Variants in GPR55 observed in about 807,000 individuals in gnomAD.
The protein encoded by GPR55 is G protein-coupled receptor 55.
A neutral mutation model predicts 7.9 loss-of-function variants in GPR55; 6 were observed. That is an observed-to-expected ratio of 0.76 (90% CI 0.41 to 1.49). The LOEUF (loss-of-function observed/expected upper bound fraction) is 1.49. Ranked by LOEUF, GPR55 falls within the 40% of genes most tolerant of loss-of-function variation. GPR55 has a pLI of 0.01. For synonymous variants in GPR55, 183 were observed against 166.8 expected (o/e 1.10, Z -0.75); for missense variants, 376 against 406.0 (o/e 0.93, Z 0.63).
intron 1 of GPR55, among the ~76,000 whole-genome samples, chr2:230,960,508 C>T (rs1332594504): frequency 3.3e-5 from 5 of 151,956 alleles, no homozygotes; most frequent in Non-Finnish European, 4.4e-5. Context: ...AAAAAAAATA[C>T]CTTGGGAAGG....
At chr2:230,954,927 G>A (rs1404002817) in intron 1 of GPR55, among the ~76,000 whole-genome samples, 1 of 152,194 alleles carries the variant, frequency 6.6e-6, no homozygotes, top group Non-Finnish European at 1.5e-5. Context: ...CCTGAGCCTG[G>A]AGTGTCCCAG....
rs763208812 is a variant in GPR55, at chr2:230,910,439, T to A, written c.524A>T (p.Asp175Val). The stretch of plus-strand genomic sequence containing the variant: ...GAAGAAGACCTTGGCGCTCCAGGTA[T>A]CATCAGACATGTTGTGGAAGCACAT... ...KYMCFHNMSDDTWSAKVFFPL... is the reference protein window; with the variant it reads ...KYMCFHNMSDVTWSAKVFFPL... Residue 175 changes from aspartate (D) to valine (V), a missense_variant, in exon 2 of 2, where the codon GAT becomes GTT. Physicochemically the swap from Asp to Val is radical, Grantham distance 152. Coordinates refer to ENST00000650999, the MANE Select transcript of GPR55 (RefSeq NM_005683.4). The surrounding 1 kb of genome is among the most constrained non-coding windows in gnomAD (Gnocchi z 5.4). 6.2e-7 allele frequency: 1 copy of A among 1,613,922 alleles called. No individual in the cohort carries two copies. The highest frequency in any genetic ancestry group is 8.5e-7 in the Non-Finnish European group (1 of 1,179,866).
intron 1 of GPR55, among the ~76,000 whole-genome samples, chr2:230,933,030 G>A (rs1047870296): frequency 6.6e-6 from 1 of 152,118 alleles, no homozygotes; most frequent in Non-Finnish European, 1.5e-5. Flanking sequence ...GGGAAAATGG[G>A]TCTGCTTTCA....
chr2:230,936,857 T>C (rs1399728653), intron 1 of GPR55, among the ~76,000 whole-genome samples: 1 of 152,216 alleles, frequency 6.6e-6, no homozygotes, highest in Non-Finnish European at 1.5e-5. Flanking sequence ...ACTAAGTTGT[T>C]TGGCTGGAGG....
intron 1 of GPR55, among the ~76,000 whole-genome samples, chr2:230,916,982 G>A (rs1171646738): frequency 2.0e-5 from 3 of 152,124 alleles, no homozygotes; most frequent in African/African-American, 7.2e-5. Context: ...ACACAGAAAT[G>A]TTCCACATAA....
At chr2:230,947,592 A>G (rs1056956939) in intron 1 of GPR55, among the ~76,000 whole-genome samples, 3 of 149,670 alleles carry the variant, frequency 2.0e-5, no homozygotes, top group Non-Finnish European at 4.4e-5. Flanking sequence ...CAGCCTCGAC[A>G]TCCCAGGCTC....
intron 1 of GPR55, among the ~76,000 whole-genome samples, chr2:230,951,495 G>A (rs987800056): frequency 1.3e-5 from 2 of 152,172 alleles, no homozygotes; most frequent in Admixed American, 6.5e-5. Context: ...TTTATTAGAT[G>A]GCAATGCTTA....
At chr2:230,939,786 C>T (rs923744914) in intron 1 of GPR55, among the ~76,000 whole-genome samples, 5 of 152,102 alleles carry the variant, frequency 3.3e-5, no homozygotes, top group African/African-American at 7.2e-5. Context: ...AACGGCCAGC[C>T]GGCATCCCCA....
rs908698835 is a variant in GPR55, at chr2:230,924,650, G to T, written c.-135+518C>A. On this transcript the variant is annotated intron_variant, in intron 1 of 1. Coordinates refer to ENST00000650999, the MANE Select transcript of GPR55 (RefSeq NM_005683.4). This position sits in a 1 kb window ranked among gnomAD's most constrained non-coding sequence, Gnocchi z 4.5. ...AAACGGAGGCTAGAGAAATTACGCA[G>T]CTGGTGAGTGGGTGAGCCTGGGCTC... 2 of 152,312 alleles carry T rather than the reference G, an allele frequency of 1.3e-5. No homozygotes were observed. Among genetic ancestry groups the T allele is most frequent in the South Asian group, 4.1e-4 (2 of 4,820 alleles). 9.4% of individuals were successfully genotyped at this position (152,312 alleles called of 1,614,324 possible).
At chr2:230,914,107 A>G (rs1690656600) in intron 1 of GPR55, among the ~76,000 whole-genome samples, 1 of 152,238 alleles carries the variant, frequency 6.6e-6, no homozygotes, top group Non-Finnish European at 1.5e-5. Flanking sequence ...CAAAGTGGCC[A>G]AGAAAACAAT....
chr2:230,914,995 C>T (rs1414312200), intron 1 of GPR55, among the ~76,000 whole-genome samples: 2 of 152,266 alleles, frequency 1.3e-5, no homozygotes, highest in Non-Finnish European at 1.5e-5. Context: ...CTTCAGACAG[C>T]AGTGCAGATT....
intron 1 of GPR55, among the ~76,000 whole-genome samples, chr2:230,934,417 C>T (rs1373842197): frequency 6.6e-6 from 1 of 152,170 alleles, no homozygotes; most frequent in Non-Finnish European, 1.5e-5. Flanking sequence ...TTCCCAGGAC[C>T]AAATGTGAGA....
At chr2:230,933,834 G>C (rs776423094) in intron 1 of GPR55, among the ~76,000 whole-genome samples, 19 of 152,190 alleles carry the variant, frequency 1.2e-4, no homozygotes, top group Non-Finnish European at 2.5e-4. Flanking sequence ...AAGCTCTGCT[G>C]TGGGGGTGGG....
rs1392367244 is a variant in GPR55 at position 230,907,581 on chromosome 2, CA to C, written c.*2421del. On this transcript the variant is annotated 3_prime_UTR_variant, in exon 2 of 2. Transcript: ENST00000650999. Reference sequence around the variant, plus strand: ...CTTTCCACAGTGTTTTGGGATGGGTCAGGGGTCCCCAGGGCACACCCACAGG... The same window carrying C: ...CTTTCCACAGTGTTTTGGGATGGGTCGGGGTCCCCAGGGCACACCCACAGG... 6.6e-6 allele frequency: 1 copy of C among 152,236 alleles called. No homozygotes were observed. Among genetic ancestry groups the C allele is most frequent in the Non-Finnish European group, 1.5e-5 (1 of 68,144 alleles). The allele number at this position is 152,236 out of a possible 1,614,324, so 9.4% of individuals were successfully genotyped here.
intron 1 of GPR55, among the ~76,000 whole-genome samples, chr2:230,934,868 T>C (rs954917119): frequency 6.6e-6 from 1 of 152,142 alleles, no homozygotes; most frequent in Non-Finnish European, 1.5e-5. Flanking sequence ...TTTCCCACCC[T>C]GACTCCACCC....
In GPR55 at chr2:230,935,236, G is replaced by A. The variant is rs566152474; in HGVS notation, c.-134-24140C>T. Among the ~76,000 whole-genome samples the A allele has an allele frequency of 2.0e-5, 3 of 152,250 alleles. No homozygotes were observed. In the South Asian group the frequency reaches 6.2e-4, roughly 32 times the overall value. On this transcript the variant is annotated intron_variant, in intron 1 of 1. Coordinates refer to the GPR55 transcript ENST00000392039. The stretch of plus-strand genomic sequence containing the variant: ...CTGCCTGGAACACATCAGAAAAGGG[G>A]CCTCAGGTTACACAGAGGCAGGCAC...
At chr2:230,914,552 TA>T (rs10713498) in intron 1 of GPR55, among the ~76,000 whole-genome samples, 44,340 of 144,078 alleles carry the variant, frequency 0.31, 10,791 homozygotes, top group African/African-American at 0.68. Flanking sequence ...TGTAGTAAGA[TA>T]AAAAAAAGGC....
At chr2:230,929,756 C>T (rs1691003110), upstream of GPR55, 1 of 152,220 alleles carries the variant, frequency 6.6e-6, no homozygotes, top group South Asian at 2.1e-4. Flanking sequence ...AGGCCCTTTA[C>T]TACGAAGTTT....
chr2:230,961,111 C>T (rs189675005), upstream of GPR55: 10 of 152,330 alleles, frequency 6.6e-5, no homozygotes, highest in Admixed American at 3.3e-4. Context: ...CTTACCAGGG[C>T]CTTATCTGCC....
Sources: allele counts gnomAD v4.1 joint callset (sites outside exome capture counted in the v4.1 genomes callset), GRCh38; gene constraint gnomAD v4.1.1; non-coding constraint Gnocchi (gnomAD v3.1); transcripts MANE v1.5; gene names NCBI Gene and HGNC (gene_info 2026-07-23, HGNC 2026-07-21).